DMXL1: variants seen among roughly 807,000 people sequenced by gnomAD.
DMXL1 encodes the protein dmX-like protein 1.
A neutral mutation model predicts 319.2 loss-of-function variants in DMXL1; 99 were observed. The ratio of observed to expected loss-of-function variants is 0.31; its 90% confidence interval spans 0.26 to 0.37. The LOEUF is 0.37. Ranked by LOEUF, DMXL1 falls within the 10% of genes least tolerant of loss-of-function variation. The pLI is 1.00. For missense variants in DMXL1, 3,745 were observed against 3,595.6 expected (o/e 1.04, Z -1.06); for synonymous variants, 1,385 against 1,235.2 (o/e 1.12, Z -2.54).
At chr5:119,219,568 A>AATTTATTT (rs61054079) in intron 35 of DMXL1, among the ~76,000 whole-genome samples, 8 of 150,592 alleles carry the variant, frequency 5.3e-5, no homozygotes, top group South Asian at 4.2e-4. Flanking sequence ...TTAATTAATT[A>AATTTATTT]ATTTATTTAT....
At chr5:119,225,288 A>G (rs1053814079) in intron 38 of DMXL1, among the ~76,000 whole-genome samples, 2 of 151,964 alleles carry the variant, frequency 1.3e-5, no homozygotes, top group African/African-American at 4.8e-5. Context: ...ATTAGTTTTT[A>G]TATTCTAAGG....
chr5:119,242,665 AACACACTTGTGGG>A (rs1453299315), intron 42 of DMXL1, among the ~76,000 whole-genome samples: 1 of 152,194 alleles, frequency 6.6e-6, no homozygotes. Context: ...ACTAGAGAAA[AACACACTTGTGGG>A]ACTCACATTA....
chr5:119,196,942 G>T (rs1380921854), intron 31 of DMXL1, among the ~76,000 whole-genome samples: 1 of 152,016 alleles, frequency 6.6e-6, no homozygotes, highest in East Asian at 1.9e-4. Flanking sequence ...ATGGACAGAG[G>T]AGTTTATTCT....
At chr5:119,088,998 A>G (rs1466236917) in intron 1 of DMXL1, among the ~76,000 whole-genome samples, 1 of 150,576 alleles carries the variant, frequency 6.6e-6, no homozygotes, top group Non-Finnish European at 1.5e-5. Flanking sequence ...TTTTTTTTGC[A>G]TATTAGTGGT....
Position 119,178,023 on chromosome 5 carries a change from ATTC to A in DMXL1, c.6919_6921del (p.Ser2307del), listed in dbSNP as rs1485613532. On this transcript the variant is annotated inframe_deletion, in exon 28 of 44. Coordinates refer to ENST00000539542, the MANE Select transcript of DMXL1 (RefSeq NM_001290321.3). ...ATAACTTGTCTAATTCGACTTTTGA[ATTC>A]TTCTGGCGAGGAAGCCCAGTCAGGG... The A allele has an allele frequency of 6.2e-7, 1 of 1,607,784 alleles. No homozygotes were observed. Among genetic ancestry groups the A allele is most frequent in the Admixed American group, 1.7e-5 (1 of 59,746 alleles).
At chr5:119,202,070 C>G (rs932977661) in intron 32 of DMXL1, among the ~76,000 whole-genome samples, 1 of 152,086 alleles carries the variant, frequency 6.6e-6, no homozygotes, top group Non-Finnish European at 1.5e-5. Context: ...CAATTTCTTT[C>G]ATTTCAGCTT....
chr5:119,239,110 G>T, intron 41 of DMXL1, 30 bp downstream of exon 41: 2 of 1,609,690 alleles, frequency 1.2e-6, no homozygotes, highest in South Asian at 1.1e-5. Flanking sequence ...ATTGAAGTAT[G>T]AGAAAGTATA....
chr5:119,221,936 C>G (rs532678331), intron 37 of DMXL1, among the ~76,000 whole-genome samples: 1 of 151,828 alleles, frequency 6.6e-6, no homozygotes, highest in Admixed American at 6.6e-5. Context: ...ACTTCCAAGC[C>G]TTTATTATTA....
chr5:119,237,206 A>G (rs1787918230), intron 39 of DMXL1, 116 bp from the exon 40 acceptor site: 1 of 535,364 alleles, frequency 1.9e-6, no homozygotes, highest in Non-Finnish European at 3.2e-6. Context: ...GTGAAAAATC[A>G]CATGACATAC....
intron 7 of DMXL1, among the ~76,000 whole-genome samples, chr5:119,118,432 G>GT (rs1285306048): frequency 3.3e-5 from 5 of 152,056 alleles, no homozygotes; most frequent in Admixed American, 1.3e-4. Flanking sequence ...CTCAGTCTTT[G>GT]TTTTTTTAGA....
chr5:119,072,186 A>G (rs17144924), intron 1 of DMXL1, among the ~76,000 whole-genome samples: 2,053 of 152,270 alleles, frequency 0.013, 50 homozygotes, highest in African/African-American at 0.046. Context: ...AACTTCGGAA[A>G]GAAAAAAAAG....
rs575618589 is a variant in DMXL1, at chr5:119,194,012, G to A, written c.7457+42G>A. The A allele has an allele frequency of 1.8e-5, 24 of 1,349,490 alleles. No homozygotes were observed. In the African/African-American group the frequency reaches 2.1e-4, roughly 12 times the overall value. The allele number at this position is 1,349,490 out of a possible 1,614,324, so 83.6% of individuals were successfully genotyped here. A position where few individuals can be genotyped will look rare whatever the true frequency, so the allele number is the denominator to read the frequency against. ...TTTAAATTTCTTTTTAAAAATAATG[G>A]TGTATATAAATAATATTTTTGAAAA... On this transcript the variant is annotated intron_variant, in intron 30 of 43. Transcript: ENST00000539542.
rs115264992 is a variant in DMXL1 at position 119,214,098 on chromosome 5, C to G, written c.7927-2803C>G. On this transcript the variant is annotated intron_variant, in intron 34 of 43. Coordinates refer to ENST00000539542, the MANE Select transcript of DMXL1 (RefSeq NM_001290321.3). ...TAATATAATTTGTATGCTGACAACT[C>G]TCAAATCTCTCTCAACTAATTTCCC... Among the ~76,000 whole-genome samples the G allele has an allele frequency of 6.2e-3, 939 of 152,196 alleles. 5 individuals carry two copies. The highest frequency in any genetic ancestry group is 0.013 in the Admixed American group (200 of 15,288).
In DMXL1 at chr5:119,114,137, A is replaced by G. The variant is rs146127703; in HGVS notation, c.498-338A>G. Among the ~76,000 whole-genome samples the G allele has an allele frequency of 2.0e-5, 3 of 152,326 alleles. No individual in the cohort carries two copies. In the East Asian group the frequency reaches 5.8e-4, roughly 29 times the overall value. On this transcript the variant is annotated intron_variant, in intron 5 of 43. Coordinates refer to ENST00000539542, the MANE Select transcript of DMXL1 (RefSeq NM_001290321.3). ...TATTATATATTATCCATGAAAATGT[A>G]TGTTGGCATATAGGGATCCATGGTT...
chr5:119,208,761 A>G (rs1014117022), intron 34 of DMXL1, among the ~76,000 whole-genome samples: 3 of 152,140 alleles, frequency 2.0e-5, no homozygotes, highest in African/African-American at 7.2e-5. Context: ...AACTTGTTCA[A>G]TTTTGGCATG....
At chr5:119,214,221 C>T (rs978382540) in intron 34 of DMXL1, among the ~76,000 whole-genome samples, 5 of 152,130 alleles carry the variant, frequency 3.3e-5, no homozygotes, top group African/African-American at 1.2e-4. Context: ...ACCTATCAGG[C>T]CTGACACTAG....
At chr5:119,123,828 T>G (rs150989469) in intron 9 of DMXL1, among the ~76,000 whole-genome samples, 24 of 2,914 alleles carry the variant, frequency 8.2e-3, no homozygotes, top group African/African-American at 0.037. Flanking sequence ...CATAGATTTG[T>G]TTTGGAGAAA....
At chr5:119,131,048 G>T (rs1764765955) in intron 10 of DMXL1, among the ~76,000 whole-genome samples, 2 of 143,404 alleles carry the variant, frequency 1.4e-5, no homozygotes, top group Admixed American at 6.9e-5. Context: ...TGGACATCTT[G>T]TTTTACTTTG....
chr5:119,160,370 C>T (rs1173230627), intron 19 of DMXL1, among the ~76,000 whole-genome samples: 1 of 152,078 alleles, frequency 6.6e-6, no homozygotes, highest in Non-Finnish European at 1.5e-5. Flanking sequence ...ATTTATTTCT[C>T]ATTTCATACT....
Sources: gnomAD v4.1 joint callset for allele counts (sites outside exome capture counted in the v4.1 genomes callset) on GRCh38, gnomAD v4.1.1 for gene constraint, MANE v1.5 for transcripts, NCBI Gene and HGNC (gene_info 2026-07-23, HGNC 2026-07-21) for gene names.